STK33: variants seen among roughly 807,000 people sequenced by gnomAD.
The protein encoded by STK33 is serine/threonine kinase 33, also known as serine/threonine-protein kinase 33.
STK33 carries 52 observed loss-of-function variants against 58.0 expected under a neutral mutation model. The ratio of observed to expected loss-of-function variants is 0.90; its 90% CI spans 0.72 to 1.13. STK33 has a LOEUF of 1.13. STK33 is among the 50% of genes most tolerant of loss of function. The pLI is 0.00. For missense variants in STK33, 630 were observed against 604.2 expected, an observed-to-expected ratio of 1.04 and a Z score of -0.45; for synonymous variants, 215 against 200.1, an observed-to-expected ratio of 1.07 and a Z score of -0.63.
At chr11:8,464,016 C>T (rs545778977) in intron 7 of STK33, among the ~76,000 whole-genome samples, 1 of 152,280 alleles carries the variant, frequency 6.6e-6, no homozygotes, top group Non-Finnish European at 1.5e-5. Context: ...ATAAAACCTA[C>T]CATTTTGTTT....
At chr11:8,544,191 T>G (rs1955734371) in intron 1 of STK33, among the ~76,000 whole-genome samples, 1 of 151,622 alleles carries the variant, frequency 6.6e-6, no homozygotes. Flanking sequence ...CACGGGTGTG[T>G]GATGTTCCCC....
intron 2 of STK33, 97 bp from the exon 3 acceptor site, chr11:8,477,380 G>A (rs1420908454): frequency 6.6e-6 from 1 of 151,972 alleles, no homozygotes; most frequent in Non-Finnish European, 1.5e-5. Context: ...TAGGCTTTCT[G>A]TTTGGGAAAA....
At chr11:8,460,627 T>A (rs1049540877) in intron 8 of STK33, among the ~76,000 whole-genome samples, 1 of 151,796 alleles carries the variant, frequency 6.6e-6, no homozygotes, top group African/African-American at 2.4e-5. Context: ...GAGGAAATAA[T>A]AGCCCCCAAT....
intron 1 of STK33, among the ~76,000 whole-genome samples, chr11:8,579,411 A>G (rs1202990495): frequency 2.0e-5 from 3 of 152,124 alleles, no homozygotes; most frequent in African/African-American, 7.2e-5. Context: ...AATTCCTAGA[A>G]TAAGAATCTC....
the STK33 span, among the ~76,000 whole-genome samples, chr11:8,351,410 G>A: frequency 2.0e-5 from 3 of 152,208 alleles, no homozygotes; most frequent in South Asian, 2.1e-4. Context: ...ATCAGGACCC[G>A]GTGGCCATCA....
rs1024851700 is a variant in STK33 at position 8,594,147 on chromosome 11, C to T, written c.-530G>A. 6.6e-6 allele frequency: 1 copy of T among 152,330 alleles called. No individual in the cohort carries two copies. Among genetic ancestry groups the T allele is most frequent in the Non-Finnish European group, 1.5e-5 (1 of 68,138 alleles). The allele number at this position is 152,330 out of a possible 1,614,324, so 9.4% of individuals were successfully genotyped here. On this transcript the variant is annotated 5_prime_UTR_variant, in exon 1 of 16. Transcript: ENST00000687296. The stretch of plus-strand genomic sequence containing the variant: ...ACTCGGCGCAGGCTGTCGCTGAGCC[C>T]GGAATTCTGCACCGGGAGAAACTTT...
chr11:8,458,655 A>G (rs772107535), intron 8 of STK33, among the ~76,000 whole-genome samples: 16 of 152,148 alleles, frequency 1.1e-4, no homozygotes, highest in Admixed American at 2.6e-4. Context: ...ATGTGGGGCC[A>G]TATTAAGATC....
intron 1 of STK33, among the ~76,000 whole-genome samples, chr11:8,563,926 G>A (rs1005267961): frequency 1.3e-5 from 2 of 152,098 alleles, no homozygotes; most frequent in African/African-American, 2.4e-5. Context: ...CAGTATGGCT[G>A]AACTGTGGGG....
rs75720582 is a variant in STK33 at position 8,538,186 on chromosome 11, A to G, written c.-466+55897T>C. Among the ~76,000 whole-genome samples, 213 of 146,304 alleles carry G rather than the reference A, an allele frequency of 1.5e-3. 1 individual carries two copies. The highest frequency in any genetic ancestry group is 7.1e-3 in the Middle Eastern group (2 of 282). On this transcript the variant is annotated intron_variant, in intron 1 of 15. Transcript: ENST00000687296. ...CTCAGTGGCAGAGCCAGACAGTATC[A>G]AAAAAAAAAAAGAGTAACAATAACA...
intron 12 of STK33, among the ~76,000 whole-genome samples, chr11:8,440,336 C>T (rs1006154712): frequency 1.3e-5 from 2 of 152,082 alleles, no homozygotes; most frequent in African/African-American, 4.8e-5. Flanking sequence ...CTCCCTACAC[C>T]TGATAAGCTA....
In STK33 at chr11:8,539,124, A is replaced by G. The variant is rs1360356569; in HGVS notation, c.-466+54959T>C. 2.6e-5 allele frequency among the ~76,000 whole-genome samples: 4 copies of G among 152,320 alleles called. No individual in the cohort carries two copies. In the East Asian group the frequency reaches 7.7e-4, roughly 29 times the overall value. ...GATTTTACTATTACACAACCTGTAA[A>G]GTTTACAGAAGAGGTATTCTGAAGG... On this transcript the variant is annotated intron_variant, in intron 1 of 15. Transcript: ENST00000687296.
At chr11:8,510,924 G>A (rs1952266376) in intron 1 of STK33, among the ~76,000 whole-genome samples, 1 of 151,908 alleles carries the variant, frequency 6.6e-6, no homozygotes, top group Admixed American at 6.6e-5. Flanking sequence ...TATATAATGT[G>A]ATGCCTCCAG....
chr11:8,565,624 T>C (rs1026665795), intron 1 of STK33: 1 of 152,222 alleles, frequency 6.6e-6, no homozygotes, highest in East Asian at 1.9e-4. Flanking sequence ...AAAGAGATAA[T>C]GTACATAAAG....
chr11:8,454,744 CT>C lies in STK33; in HGVS notation c.785del (p.Lys262ArgfsTer2). ...TATTTACCACCATTGCTAATCTTACCTTTATGTTTAAGTTTATTTCATTGTT... is the reference window on the plus strand; with the variant it reads ...TATTTACCACCATTGCTAATCTTACCTTATGTTTAAGTTTATTTCATTGTT... ...DDNNEINLNI[K>X]VTDFGLAVKK... is the part of the protein sequence containing the mutation. On this transcript the variant is annotated frameshift_variant and splice_region_variant, in exon 10 of 16. Transcript: ENST00000687296. LOFTEE classifies it high-confidence loss of function. 2 of 1,566,626 alleles carry C rather than the reference CT, an allele frequency of 1.3e-6. No homozygotes were observed. The highest frequency in any genetic ancestry group is 1.7e-6 in the Non-Finnish European group (2 of 1,155,992).
intron 12 of STK33, among the ~76,000 whole-genome samples, chr11:8,439,817 G>A (rs1163273404): frequency 4.3e-5 from 6 of 138,502 alleles, no homozygotes; most frequent in East Asian, 2.2e-4. Context: ...ACACTTCTCC[G>A]TATACAAATA....
At chr11:8,559,793 A>G (rs1480781494) in intron 1 of STK33, among the ~76,000 whole-genome samples, 1 of 152,196 alleles carries the variant, frequency 6.6e-6, no homozygotes, top group African/African-American at 2.4e-5. Context: ...CATCTCACAG[A>G]TAATCATTTC....
At chr11:8,523,028 G>A (rs1431201653) in intron 1 of STK33, among the ~76,000 whole-genome samples, 3 of 152,210 alleles carry the variant, frequency 2.0e-5, no homozygotes, top group African/African-American at 4.8e-5. Context: ...TCCTGACCGC[G>A]AGTGATCTGC....
At chr11:8,414,047 T>C (rs1940739535) in intron 14 of STK33, among the ~76,000 whole-genome samples, 1 of 152,042 alleles carries the variant, frequency 6.6e-6, no homozygotes, top group Admixed American at 6.6e-5. Context: ...CTGAAAGAAC[T>C]AAAGAAGTTG....
intron 15 of STK33, among the ~76,000 whole-genome samples, chr11:8,397,509 G>T (rs1488687077): frequency 6.6e-6 from 1 of 152,098 alleles, no homozygotes; most frequent in African/African-American, 2.4e-5. Flanking sequence ...ACAAAGATGG[G>T]GAAAAACCAG....
Sources: gnomAD v4.1 joint callset for allele counts (sites outside exome capture counted in the v4.1 genomes callset) on GRCh38, gnomAD v4.1.1 for gene constraint, MANE v1.5 for transcripts, NCBI Gene and HGNC (gene_info 2026-07-23, HGNC 2026-07-21) for gene names.